The following ASPH variants were observed in gnomAD, a reference collection of about 807,000 sequenced individuals.
The protein encoded by ASPH is aspartyl/asparaginyl beta-hydroxylase.
A neutral mutation model predicts 118.4 loss-of-function variants in ASPH; 100 were observed. That is an observed-to-expected ratio of 0.84 (90% confidence interval 0.72 to 1.00). ASPH has a LOEUF of 1.00. ASPH is among the 50% of genes least tolerant of loss of function. The pLI is 0.00. For missense variants in ASPH, 920 were observed against 919.5 expected (o/e 1.00, Z -0.01); for synonymous variants, 315 against 325.6 (o/e 0.97, Z 0.35).
intron 13 of ASPH, chr8:61,624,541 AT>A: frequency 7.2e-6 from 7 of 969,150 alleles, no homozygotes; most frequent in Non-Finnish European, 8.6e-6. Flanking sequence ...AATATAGAGA[AT>A]TCTTCTGTAT....
chr8:61,508,388 G>A (rs1043029031), intron 24 of ASPH, among the ~76,000 whole-genome samples: 19 of 152,118 alleles, frequency 1.2e-4, no homozygotes, highest in African/African-American at 4.1e-4. Flanking sequence ...AGAATATCTC[G>A]TCCTAAGATA....
intron 24 of ASPH, 29 bp from the exon 25 acceptor site, chr8:61,503,538 T>C: frequency 6.3e-7 from 1 of 1,593,576 alleles, no homozygotes; most frequent in Non-Finnish European, 8.6e-7. Context: ...GATTCCTGAA[T>C]ATAGTTTTGT....
chr8:61,663,649 TG>T lies in ASPH; in HGVS notation c.323-9990del, dbSNP rs376140705. 251 of 985,250 alleles carry T rather than the reference TG, an allele frequency of 2.5e-4. 3 individuals carry two copies. In the East Asian group the frequency reaches 0.019, roughly 75 times the overall value. 61.0% of individuals were successfully genotyped at this position (985,250 alleles called of 1,614,324 possible). On this transcript the variant is annotated intron_variant, in intron 3 of 24. Coordinates refer to ENST00000379454, the MANE Select transcript of ASPH (RefSeq NM_004318.4). ...ACAATGTTCTTGTAATGTGTAAAAA[TG>T]GCAAAATCCTGACTAATCAAAACAT...
intron 5 of ASPH, among the ~76,000 whole-genome samples, chr8:61,649,689 ATT>A (rs1458233442): frequency 7.5e-6 from 1 of 132,552 alleles, no homozygotes; most frequent in African/African-American, 2.9e-5. Context: ...GGTTCTTTCT[ATT>A]TCTCTCCATC....
At position 61,598,721 on chromosome 8, in the gene ASPH, C is replaced by G. The variant is rs116926499; in HGVS notation, c.977-14692G>C. On this transcript the variant is annotated intron_variant, in intron 14 of 24. Transcript: ENST00000379454. ...TCTTCTTGTCAGCACTTGGAACATT[C>G]TCCAGGTAGACCATATGTTAGGCCA... Among the ~76,000 whole-genome samples, 988 of 152,312 alleles carry G rather than the reference C, an allele frequency of 6.5e-3. 2 individuals carry two copies. Among genetic ancestry groups the G allele is most frequent in the Non-Finnish European group, 0.011 (726 of 68,028 alleles).
In ASPH at chr8:61,562,820, G is replaced by GTA; in HGVS notation, c.1359_1360dup (p.Thr454IlefsTer4). 6.2e-7 allele frequency: 1 copy of GTA among 1,612,706 alleles called. No homozygotes were observed. Among genetic ancestry groups the GTA allele is most frequent in the Non-Finnish European group, 8.5e-7 (1 of 1,179,474 alleles). On this transcript the variant is annotated frameshift_variant, in exon 18 of 25. Transcript: ENST00000379454. LOFTEE classifies it high-confidence loss of function. Reference sequence around the variant, plus strand: ...CACGCCAAGGTCATTTTTTAAGGAAGTATCATTGGGAAATAGTTGAACTAA... The same window carrying GTA: ...CACGCCAAGGTCATTTTTTAAGGAAGTATATCATTGGGAAATAGTTGAACTAA...
At chr8:61,572,131 C>A (rs1587392114) in intron 16 of ASPH, among the ~76,000 whole-genome samples, 1 of 152,074 alleles carries the variant, frequency 6.6e-6, no homozygotes, top group South Asian at 2.1e-4. Context: ...AAGTGGTCAC[C>A]ATCTTCAGTT....
At chr8:61,611,798 G>A (rs756249774) in intron 14 of ASPH, among the ~76,000 whole-genome samples, 2 of 152,160 alleles carry the variant, frequency 1.3e-5, no homozygotes, top group Non-Finnish European at 2.9e-5. Context: ...TTTAAACACA[G>A]CAATTAAAAG....
intron 14 of ASPH, among the ~76,000 whole-genome samples, chr8:61,597,626 T>C (rs1158070337): frequency 6.6e-6 from 1 of 152,024 alleles, no homozygotes; most frequent in African/African-American, 2.4e-5. Context: ...GAGAAAATTA[T>C]AAAAACAGCA....
At chr8:61,700,830 T>C (rs1318484646) in intron 1 of ASPH, among the ~76,000 whole-genome samples, 3 of 152,250 alleles carry the variant, frequency 2.0e-5, no homozygotes, top group Non-Finnish European at 4.4e-5. Context: ...GTATAATGCA[T>C]TGCAAAGTAA....
rs181688779 is a variant in ASPH at position 61,506,673 on chromosome 8, T to C, written c.2127-3164A>G. Among the ~76,000 whole-genome samples, 248 of 152,304 alleles carry C rather than the reference T, an allele frequency of 1.6e-3. 1 individual carries two copies. Among genetic ancestry groups the C allele is most frequent in the Non-Finnish European group, 1.3e-3 (86 of 68,036 alleles). On this transcript the variant is annotated intron_variant, in intron 24 of 24. Coordinates refer to ENST00000379454, the MANE Select transcript of ASPH (RefSeq NM_004318.4). ...GCATAATTGATTCTTTGTGTCTTCA[T>C]CGGCATAATTGATGTGAGGATTAGC...
intron 1 of ASPH, among the ~76,000 whole-genome samples, chr8:61,694,148 A>T (rs1410361984): frequency 6.6e-6 from 1 of 152,146 alleles, no homozygotes; most frequent in Non-Finnish European, 1.5e-5. Flanking sequence ...CACAGAGAAA[A>T]CAGAACCCTC....
At chr8:61,627,581 G>A (rs1019532802) in intron 13 of ASPH, among the ~76,000 whole-genome samples, 4 of 152,146 alleles carry the variant, frequency 2.6e-5, no homozygotes, top group Admixed American at 6.5e-5. Context: ...AATAGAAAAA[G>A]TTTATTTAAA....
chr8:61,606,039 G>A (rs1325849059), intron 14 of ASPH, among the ~76,000 whole-genome samples: 1 of 152,024 alleles, frequency 6.6e-6, no homozygotes, highest in African/African-American at 2.4e-5. Flanking sequence ...AATTAATGGC[G>A]CAACAACACA....
chr8:61,637,966 A>C lies in ASPH; in HGVS notation c.870T>G (p.Asp290Glu), dbSNP rs181711913. The change falls in exon 12 of 25, where the codon GAT becomes GAG. Residue 290 changes from aspartate (D) to glutamate (E), a missense_variant. Transcript: ENST00000379454. ...TAPPEDNPVEDSQVIVEEVSI... is the reference protein window; with the variant it reads ...TAPPEDNPVEESQVIVEEVSI... ...TCTTACCTTCTACAATTACCTGTGA[A>C]TCTTCTACAGGATTATCCTCAGGGG... 21 of 1,610,014 alleles carry C rather than the reference A, an allele frequency of 1.3e-5. No individual in the cohort carries two copies. The Admixed American group carries it at 3.6e-4, about 27-fold the overall frequency.
At chr8:61,704,194 CAAAAAAAAAAAAAAAAAAAAAAAAAAA>C (rs61553495) in intron 1 of ASPH, among the ~76,000 whole-genome samples, 2 of 40,446 alleles carry the variant, frequency 4.9e-5, no homozygotes, top group East Asian at 7.3e-4. Flanking sequence ...GACTCCGTCT[CAAAAAAAAAAAAAAAAAAAAAAAAAAA>C]AAAAAAAAAA....
intron 24 of ASPH, chr8:61,517,249 C>T (rs532413440): frequency 2.8e-5 from 10 of 361,844 alleles, no homozygotes; most frequent in African/African-American, 2.0e-4. Context: ...TCTGAATGCA[C>T]ATCTGTCTAC....
intron 18 of ASPH, 73 bp from the exon 19 acceptor site, chr8:61,556,095 C>T: frequency 1.6e-6 from 2 of 1,288,656 alleles, no homozygotes; most frequent in South Asian, 1.3e-5. Flanking sequence ...CTACAGATGA[C>T]TGTCAAAACC....
intron 13 of ASPH, 120 bp downstream of exon 13, chr8:61,633,563 G>C (rs1588394875): frequency 1.2e-6 from 1 of 809,974 alleles, no homozygotes; most frequent in East Asian, 2.8e-5. Context: ...CTAAATTAAG[G>C]TACAGTTAAT....
Sources: gnomAD v4.1 joint callset for allele counts (sites outside exome capture counted in the v4.1 genomes callset) on GRCh38, gnomAD v4.1.1 for gene constraint, MANE v1.5 for transcripts, NCBI Gene and HGNC (gene_info 2026-07-23, HGNC 2026-07-21) for gene names.